CLUAP1: variants seen among roughly 807,000 people sequenced by gnomAD.
CLUAP1 encodes clusterin-associated protein 1.
Under a neutral mutation model 55.0 loss-of-function variants are expected in CLUAP1, and 50 were observed. The ratio of observed to expected loss-of-function variants is 0.91; its 90% CI spans 0.72 to 1.15. The LOEUF (loss-of-function observed/expected upper bound fraction) is 1.15. Among genes scored for constraint, CLUAP1 ranks in the 50% most tolerant of loss-of-function variants. The pLI is 0.00. For synonymous variants in CLUAP1, 195 were observed against 175.4 expected, an observed-to-expected ratio of 1.11 and a Z score of -0.88; for missense variants, 530 against 507.6, an observed-to-expected ratio of 1.04 and a Z score of -0.42.
At chr16:3,529,458 A>AATATATAT (rs2038016996) in intron 9 of CLUAP1, among the ~76,000 whole-genome samples, 1 of 83,138 alleles carries the variant, frequency 1.2e-5, no homozygotes, top group Non-Finnish European at 2.2e-5. Context: ...ATATTATTAT[A>AATATATAT]TATAATATAT....
At position 3,536,118 on chromosome 16, in the gene CLUAP1, A is replaced by G. The variant is rs761127066; in HGVS notation, c.1093-4A>G. ...CCGTTGCATCTGCCATTTTTTTCCT[A>G]TAGGAGGACTCGGAGGAGAGTGAAA... On this transcript the variant is annotated splice_region_variant and splice_polypyrimidine_tract_variant and intron_variant, in intron 11 of 11. Coordinates refer to ENST00000576634, the MANE Select transcript of CLUAP1 (RefSeq NM_015041.3). 16 of 1,613,492 alleles carry G rather than the reference A, an allele frequency of 9.9e-6. No individual in the cohort carries two copies. The highest frequency in any genetic ancestry group is 1.3e-5 in the African/African-American group (1 of 74,846).
chr16:3,523,236 A>G lies in CLUAP1; in HGVS notation c.792A>G (p.Gln264=). 2 of 1,614,038 alleles carry G rather than the reference A, an allele frequency of 1.2e-6. No individual in the cohort carries two copies. The highest frequency in any genetic ancestry group is 3.3e-5 in the Admixed American group (2 of 59,986). Residue 264 remains glutamine, a synonymous_variant, in exon 8 of 12, where the codon CAA becomes CAG. Transcript: ENST00000576634. ...ATGACACTTATCTGGAGAAATTTCA[A>G]AATCTGACTTATCTGGAACAACAGC... is the stretch of plus-strand genomic sequence containing the variant. ...KQYDTYLEKF[Q]NLTYLEQQLE... is the part of the protein sequence containing the mutation.
chr16:3,500,616 C>A (rs2151036437), upstream of CLUAP1, among the ~76,000 whole-genome samples: 1 of 152,314 alleles, frequency 6.6e-6, no homozygotes, highest in East Asian at 1.9e-4. Context: ...AGTGATCCGC[C>A]CGCCTCGGCA....
intron 3 of CLUAP1, 70 bp downstream of exon 3, chr16:3,506,485 G>A (rs1300942950): frequency 9.2e-6 from 11 of 1,192,014 alleles, no homozygotes; most frequent in South Asian, 1.2e-5. Flanking sequence ...TTGTTAGGGC[G>A]ACTTTCAAAC....
chr16:3,499,166 G>C (rs1432043365), upstream of CLUAP1, among the ~76,000 whole-genome samples: 1 of 152,244 alleles, frequency 6.6e-6, no homozygotes, highest in Non-Finnish European at 1.5e-5. Context: ...CCAACATGGC[G>C]AAACTCCGTC....
At chr16:3,523,374 T>A (rs912284892) in intron 8 of CLUAP1, 75 bp downstream of exon 8, 2 of 1,472,508 alleles carry the variant, frequency 1.4e-6, no homozygotes, top group Non-Finnish European at 9.1e-7. Context: ...GTCATTTTGT[T>A]AATATCATTG....
At chr16:3,526,506 G>A (rs569338284) in intron 9 of CLUAP1, 22 bp downstream of exon 9, 26 of 1,575,834 alleles carry the variant, frequency 1.6e-5, no homozygotes, top group African/African-American at 1.2e-4. Flanking sequence ...CTTCGTAGAC[G>A]AGCAGTTTAC....
At chr16:3,527,518 C>G (rs924685176) in intron 9 of CLUAP1, among the ~76,000 whole-genome samples, 6 of 152,074 alleles carry the variant, frequency 3.9e-5, no homozygotes, top group Non-Finnish European at 8.8e-5. Context: ...ACACCTGCTA[C>G]TTAGCAGACC....
In CLUAP1 at chr16:3,512,395, AAGGCAGCC is replaced by A. The variant is rs2151049520; in HGVS notation, c.420_427del (p.Arg141CysfsTer3). On this transcript the variant is annotated frameshift_variant, in exon 5 of 12. Transcript: ENST00000576634. LOFTEE classifies it high-confidence loss of function. ...ATTTTCCTTCCAGATTGCAGATTTGAAGGCAGCCAGGCAGCTTGCGTCTGAAATCACCT... is the reference window on the plus strand; with the variant it reads ...ATTTTCCTTCCAGATTGCAGATTTGAAGGCAGCTTGCGTCTGAAATCACCT... The A allele has an allele frequency of 1.2e-6, 2 of 1,613,708 alleles. No individual in the cohort carries two copies. The highest frequency in any genetic ancestry group is 2.7e-5 in the African/African-American group (2 of 75,038).
chr16:3,504,701 T>G lies in CLUAP1; in HGVS notation c.23-19T>G. On this transcript the variant is annotated intron_variant, in intron 1 of 11. Coordinates refer to ENST00000576634, the MANE Select transcript of CLUAP1 (RefSeq NM_015041.3). ...CTGTGTGATGGGGAACTGAATGAATTGTATTTTTCCTTGGACAGATTTCAC... is the reference window on the plus strand; with the variant it reads ...CTGTGTGATGGGGAACTGAATGAATGGTATTTTTCCTTGGACAGATTTCAC... 7.4e-7 allele frequency: 1 copy of G among 1,356,654 alleles called. No homozygotes were observed. The highest frequency in any genetic ancestry group is 1.2e-5 in the South Asian group (1 of 85,866). The allele number at this position is 1,356,654 out of a possible 1,614,324, so 84.0% of individuals were successfully genotyped here. A position where few individuals can be genotyped will look rare whatever the true frequency, so the allele number is the denominator to read the frequency against.
intron 7 of CLUAP1, among the ~76,000 whole-genome samples, chr16:3,521,848 G>T (rs994680688): frequency 6.6e-6 from 1 of 151,826 alleles, no homozygotes; most frequent in Non-Finnish European, 1.5e-5. Context: ...TGAACTCAGG[G>T]GTTCAAGACC....
At chr16:3,520,119 T>G in intron 7 of CLUAP1, 83 bp downstream of exon 7, 12 of 1,358,462 alleles carry the variant, frequency 8.8e-6, no homozygotes, top group Non-Finnish European at 1.1e-5. Flanking sequence ...ATGTCTGAAA[T>G]CTCAGCTACT....
At position 3,538,379 on chromosome 16, in the gene CLUAP1, TA is replaced by T. The variant is rs2038276983; in HGVS notation, c.*2111del. 6.6e-6 allele frequency: 1 copy of T among 151,700 alleles called. No individual in the cohort carries two copies. The highest frequency in any genetic ancestry group is 1.5e-5 in the Non-Finnish European group (1 of 67,968). The allele number at this position is 151,700 out of a possible 1,614,324, so 9.4% of individuals were successfully genotyped here. A position where few individuals can be genotyped will look rare whatever the true frequency, so the allele number is the denominator to read the frequency against. ...CAGTAATTTGAAATGCACCATATTG[TA>T]AATGATCCACTGACAGGGAAGCCAG... is the stretch of plus-strand genomic sequence containing the variant. On this transcript the variant is annotated 3_prime_UTR_variant, in exon 12 of 12. Transcript: ENST00000576634.
rs1393260377 is a variant in CLUAP1, at chr16:3,537,358, C to T, written c.*1087C>T. On this transcript the variant is annotated 3_prime_UTR_variant, in exon 12 of 12. Transcript: ENST00000576634. ...GGAGTTGGTTTTTTTCTTTTTTCTT[C>T]TTCTTTTTTTTTAATATGAAAAGTA... 2 of 151,766 alleles carry T rather than the reference C, an allele frequency of 1.3e-5. No individual in the cohort carries two copies. Among genetic ancestry groups the T allele is most frequent in the African/African-American group, 4.8e-5 (2 of 41,276 alleles). The allele number at this position is 151,766 out of a possible 1,614,324, so 9.4% of individuals were successfully genotyped here. A position where few individuals can be genotyped will look rare whatever the true frequency, so the allele number is the denominator to read the frequency against.
chr16:3,504,632 T>C, intron 1 of CLUAP1, 88 bp from the exon 2 acceptor site: 1 of 800,862 alleles, frequency 1.2e-6, no homozygotes, highest in South Asian at 1.4e-5. Flanking sequence ...AGGTTGGAAA[T>C]AAGAAGGAAA....
At chr16:3,506,265 C>T (rs2037504075) in intron 2 of CLUAP1, 66 bp from the exon 3 acceptor site, 4 of 1,310,070 alleles carry the variant, frequency 3.1e-6, no homozygotes, top group East Asian at 2.3e-5. Flanking sequence ...CTCAGTTGCC[C>T]ACATTCTCTT....
Position 3,532,796 on chromosome 16 carries a change from C to G in CLUAP1, c.1047C>G (p.Gly349=), listed in dbSNP as rs764039729. The part of the protein sequence containing the change: ...AMEMLMQGRP[G]KRIVGTMQGG... Reference sequence around the variant, plus strand: ...TTTTGTTGTTCTCAGGAAGACCTGGCAAACGCATTGTGGGCACGATGCAAG... The same window carrying G: ...TTTTGTTGTTCTCAGGAAGACCTGGGAAACGCATTGTGGGCACGATGCAAG... Residue 349 remains glycine (G), a synonymous_variant, in exon 11 of 12, where the codon GGC becomes GGG. Coordinates refer to ENST00000576634, the MANE Select transcript of CLUAP1 (RefSeq NM_015041.3). 8 of 1,613,928 alleles carry G rather than the reference C, an allele frequency of 5.0e-6. No individual in the cohort carries two copies. The African/African-American group carries it at 8.0e-5, about 16-fold the overall frequency.
At chr16:3,512,626 T>C (rs1351568343) in intron 5 of CLUAP1, 148 bp downstream of exon 5, 4 of 507,102 alleles carry the variant, frequency 7.9e-6, no homozygotes, top group Non-Finnish European at 1.4e-5. Flanking sequence ...GGATATTAGC[T>C]GTCCTTCCTG....
At chr16:3,531,544 CA>C (rs899441400) in intron 10 of CLUAP1, among the ~76,000 whole-genome samples, 6 of 151,244 alleles carry the variant, frequency 4.0e-5, no homozygotes, top group African/African-American at 1.2e-4. Context: ...AGAGTTAAAA[CA>C]AAAAAAGACT....
Sources: allele counts gnomAD v4.1 joint callset (sites outside exome capture counted in the v4.1 genomes callset), GRCh38; gene constraint gnomAD v4.1.1; transcripts MANE v1.5; gene names NCBI Gene and HGNC (gene_info 2026-07-23, HGNC 2026-07-21).